The following XPNPEP3 variants were observed in gnomAD, a reference collection of about 807,000 sequenced individuals.
XPNPEP3 encodes the protein xaa-Pro aminopeptidase 3.
A neutral mutation model predicts 60.0 loss-of-function variants in XPNPEP3; 41 were observed. The ratio of observed to expected loss-of-function variants is 0.68; its 90% CI spans 0.53 to 0.89. XPNPEP3 has a LOEUF of 0.89. XPNPEP3 is among the 40% of genes least tolerant of loss of function. The probability of loss-of-function intolerance (pLI) is 0.00; values close to 1 mark genes in which losing one functional copy is unlikely to be tolerated. For missense variants in XPNPEP3, 598 were observed against 638.9 expected, an observed-to-expected ratio of 0.94 and a Z score of 0.69; for synonymous variants, 212 against 223.2, an observed-to-expected ratio of 0.95 and a Z score of 0.45.
chr22:40,884,912 C>T (rs2058062612), intron 3 of XPNPEP3, among the ~76,000 whole-genome samples: 1 of 151,550 alleles, frequency 6.6e-6, no homozygotes, highest in Non-Finnish European at 1.5e-5. Flanking sequence ...CCTGTAATCC[C>T]AGCTACTTGG....
chr22:40,870,095 C>T (rs972115777), intron 2 of XPNPEP3: 2 of 470,852 alleles, frequency 4.2e-6, no homozygotes, highest in East Asian at 7.0e-5. Flanking sequence ...AAATGCAGCT[C>T]ACCACTGAAA....
chr22:40,876,973 T>TA (rs897864406), intron 2 of XPNPEP3, among the ~76,000 whole-genome samples: 86 of 152,200 alleles, frequency 5.7e-4, no homozygotes, highest in African/African-American at 2.0e-3. Flanking sequence ...TCAGTCAAGA[T>TA]ACAGAACATT....
At chr22:40,922,554 GC>G (rs774916053) in intron 8 of XPNPEP3, 41 bp downstream of exon 8, 1 of 1,608,192 alleles carries the variant, frequency 6.2e-7, no homozygotes, top group South Asian at 1.1e-5. Flanking sequence ...AGAACACCTA[GC>G]ATGCTGCTAG....
In XPNPEP3 at chr22:40,928,178, T is replaced by A. The variant is rs1340856829; in HGVS notation, c.*1743T>A. On this transcript the variant is annotated 3_prime_UTR_variant, in exon 10 of 10. Coordinates refer to ENST00000357137, the MANE Select transcript of XPNPEP3 (RefSeq NM_022098.4). Reference sequence around the variant, plus strand: ...CTTTCTTTGATACTAGCACTGGGAGTGCAGTGGTAAAGAGTCATACTTCTT... The same window carrying A: ...CTTTCTTTGATACTAGCACTGGGAGAGCAGTGGTAAAGAGTCATACTTCTT... 3 of 150,746 alleles carry A rather than the reference T, an allele frequency of 2.0e-5. No homozygotes were observed. Among genetic ancestry groups the A allele is most frequent in the African/African-American group, 7.3e-5 (3 of 41,114 alleles). 9.3% of individuals were successfully genotyped at this position (150,746 alleles called of 1,614,324 possible).
intron 3 of XPNPEP3, among the ~76,000 whole-genome samples, chr22:40,883,538 T>G (rs900816584): frequency 6.6e-6 from 1 of 152,132 alleles, no homozygotes; most frequent in African/African-American, 2.4e-5. Flanking sequence ...TTTTTTTATT[T>G]TTTTGTAGAG....
intron 9 of XPNPEP3, among the ~76,000 whole-genome samples, chr22:40,925,538 G>A (rs941996771): frequency 3.9e-5 from 6 of 152,114 alleles, no homozygotes; most frequent in African/African-American, 1.4e-4. Flanking sequence ...CTTAGACTGC[G>A]CTACATTTTC....
At chr22:40,921,851 T>C (rs1387127366) in intron 7 of XPNPEP3, among the ~76,000 whole-genome samples, 1 of 152,140 alleles carries the variant, frequency 6.6e-6, no homozygotes, top group African/African-American at 2.4e-5. Flanking sequence ...TATCTCGTAA[T>C]TGCTAAAGAA....
At chr22:40,868,936 A>G in intron 1 of XPNPEP3, 63 bp from the exon 2 acceptor site, 1 of 1,330,384 alleles carries the variant, frequency 7.5e-7, no homozygotes. Flanking sequence ...AGATAAGTGT[A>G]TTTATACCAT....
chr22:40,868,642 G>T (rs1297685586), intron 1 of XPNPEP3, among the ~76,000 whole-genome samples: 1 of 152,006 alleles, frequency 6.6e-6, no homozygotes, highest in African/African-American at 2.4e-5. Flanking sequence ...ATCACTTGAG[G>T]TCAAGAGTTC....
chr22:40,858,678 C>T (rs1418368811), intron 1 of XPNPEP3, among the ~76,000 whole-genome samples: 1 of 149,544 alleles, frequency 6.7e-6, no homozygotes, highest in Non-Finnish European at 1.5e-5. Flanking sequence ...ATTACAGGCG[C>T]CCGCCACCAC....
intron 4 of XPNPEP3, among the ~76,000 whole-genome samples, chr22:40,906,667 G>GTAT (rs1251329337): frequency 3.3e-5 from 5 of 152,158 alleles, no homozygotes; most frequent in African/African-American, 1.2e-4. Context: ...CGTTGCTATA[G>GTAT]ACTAGGCCAT....
At chr22:40,902,581 C>T (rs1452800708) in intron 4 of XPNPEP3, among the ~76,000 whole-genome samples, 1 of 151,902 alleles carries the variant, frequency 6.6e-6, no homozygotes, top group Non-Finnish European at 1.5e-5. Flanking sequence ...GACGGGGTTT[C>T]ACCATGTTGG....
At chr22:40,901,273 C>CA (rs1258081668) in intron 4 of XPNPEP3, among the ~76,000 whole-genome samples, 2 of 117,156 alleles carry the variant, frequency 1.7e-5, no homozygotes, top group Non-Finnish European at 3.3e-5. Flanking sequence ...ACTCTTCTCT[C>CA]ACCCAGGCTG....
chr22:40,922,350 C>G lies in XPNPEP3; in HGVS notation c.1073C>G (p.Ala358Gly), dbSNP rs770399269. 1 of 1,613,740 alleles carries G rather than the reference C, an allele frequency of 6.2e-7. No individual in the cohort carries two copies. The highest frequency in any genetic ancestry group is 1.7e-5 in the Admixed American group (1 of 59,950). Reference sequence around the variant, plus strand: ...GTCCCCAGGTTCACCGCACCTCAGGCAGAACTCTATGAAGCCGTTCTAGAG... The same window carrying G: ...GTCCCCAGGTTCACCGCACCTCAGGGAGAACTCTATGAAGCCGTTCTAGAG... ...PVNGRFTAPQAELYEAVLEIQ... is the reference protein window; with the variant it reads ...PVNGRFTAPQGELYEAVLEIQ... Residue 358 changes from alanine (A) to glycine (G), a missense_variant, in exon 8 of 10, where the codon GCA becomes GGA. Ala to Gly is a moderately conservative substitution (Grantham distance 60). Coordinates refer to ENST00000357137, the MANE Select transcript of XPNPEP3 (RefSeq NM_022098.4).
chr22:40,866,995 A>C (rs1326212053), intron 1 of XPNPEP3, among the ~76,000 whole-genome samples: 1 of 152,226 alleles, frequency 6.6e-6, no homozygotes, highest in East Asian at 1.9e-4. Flanking sequence ...CGTGTGCACG[A>C]GCGTGCATGT....
chr22:40,917,570 TATG>T (rs201342265), intron 7 of XPNPEP3, among the ~76,000 whole-genome samples: 1,679 of 152,194 alleles, frequency 0.011, 31 homozygotes, highest in African/African-American at 0.039. Context: ...GAAGGAATTT[TATG>T]ATAAGTGAAT....
chr22:40,884,599 G>T (rs2058061326), intron 3 of XPNPEP3, among the ~76,000 whole-genome samples: 2 of 151,774 alleles, frequency 1.3e-5, no homozygotes, highest in Middle Eastern at 6.8e-3. Flanking sequence ...CTCCCAGGGT[G>T]CTGGGATTAC....
In XPNPEP3 at chr22:40,906,628, C is replaced by T. The variant is rs150116195; in HGVS notation, c.793-959C>T. Among the ~76,000 whole-genome samples the T allele has an allele frequency of 2.2e-3, 335 of 152,186 alleles. 3 individuals are homozygous for T. The highest frequency in any genetic ancestry group is 7.9e-3 in the African/African-American group (328 of 41,522). On this transcript the variant is annotated intron_variant, in intron 4 of 9. Transcript: ENST00000357137. Reference sequence around the variant, plus strand: ...TCTCCCACGAGGAATTATCTGGCCCCAAATGTCAGTAGTACTGAGGCTGGG... The same window carrying T: ...TCTCCCACGAGGAATTATCTGGCCCTAAATGTCAGTAGTACTGAGGCTGGG...
intron 4 of XPNPEP3, among the ~76,000 whole-genome samples, chr22:40,892,163 T>G (rs886066972): frequency 2.0e-5 from 3 of 152,136 alleles, no homozygotes; most frequent in African/African-American, 7.2e-5. Flanking sequence ...AGGCACACTC[T>G]TGGCATTGGC....
Sources: allele counts gnomAD v4.1 joint callset (sites outside exome capture counted in the v4.1 genomes callset), GRCh38; gene constraint gnomAD v4.1.1; transcripts MANE v1.5; gene names NCBI Gene and HGNC (gene_info 2026-07-23, HGNC 2026-07-21).